Variants in DYNC2H1 observed in about 807,000 individuals in gnomAD.
The protein encoded by DYNC2H1 is cytoplasmic dynein 2 heavy chain 1.
Under a neutral mutation model 570.0 loss-of-function variants are expected in DYNC2H1, and 410 were observed. The observed-to-expected ratio is 0.72, with a 90% CI of 0.66 to 0.78. The LOEUF is 0.78. DYNC2H1 is among the 30% of genes least tolerant of loss of function. The pLI is 0.00. For synonymous variants in DYNC2H1, 1,688 were observed against 1,677.6 expected, an observed-to-expected ratio of 1.01 and a Z score of -0.15; for missense variants, 4,865 against 5,046.4, an observed-to-expected ratio of 0.96 and a Z score of 1.09.
intron 70 of DYNC2H1, among the ~76,000 whole-genome samples, chr11:103,265,123 ACAC>A (rs1865456917): frequency 6.6e-6 from 1 of 152,164 alleles, no homozygotes; most frequent in African/African-American, 2.4e-5. Context: ...AGAAAACCAA[ACAC>A]CACATGTTCT....
At chr11:103,320,968 A>G in intron 80 of DYNC2H1, 61 bp from the exon 81 acceptor site, 1 of 1,299,430 alleles carries the variant, frequency 7.7e-7, no homozygotes, top group Non-Finnish European at 1.1e-6. Flanking sequence ...ATATAACTCA[A>G]GGCAGGAATT....
At chr11:103,388,946 A>C (rs1194744531) in intron 83 of DYNC2H1, among the ~76,000 whole-genome samples, 3 of 152,074 alleles carry the variant, frequency 2.0e-5, no homozygotes, top group African/African-American at 7.2e-5. Flanking sequence ...TTCATCAGGG[A>C]TATTGTCTAA....
In DYNC2H1 at chr11:103,324,686, T is replaced by G. The variant is rs1430398219; in HGVS notation, c.12039+696T>G. Among the ~76,000 whole-genome samples the G allele has an allele frequency of 6.6e-6, 1 of 152,190 alleles. No homozygotes were observed. The highest frequency in any genetic ancestry group is 2.4e-5 in the African/African-American group (1 of 41,430). Reference sequence around the variant, plus strand: ...TGCAGTGAACATTCATGTGCATATGTCTTTATGGTAGAACCATTTATATTC... The same window carrying G: ...TGCAGTGAACATTCATGTGCATATGGCTTTATGGTAGAACCATTTATATTC... On this transcript the variant is annotated intron_variant, in intron 82 of 88. Coordinates refer to ENST00000375735, the MANE Select transcript of DYNC2H1 (RefSeq NM_001377.3). This position sits in a 1 kb window ranked among gnomAD's most constrained non-coding sequence, Gnocchi z 5.2.
At chr11:103,437,006 G>A (rs1047180453) in intron 85 of DYNC2H1, among the ~76,000 whole-genome samples, 2 of 152,104 alleles carry the variant, frequency 1.3e-5, no homozygotes, top group African/African-American at 4.8e-5. Context: ...TTCAGATACA[G>A]TGTACAGTGT....
rs971150470 is a variant in DYNC2H1 at position 103,148,483 on chromosome 11, C to T, written c.2819-7C>T. On this transcript the variant is annotated splice_region_variant and splice_polypyrimidine_tract_variant and intron_variant, in intron 19 of 88. Transcript: ENST00000375735. ...AACATTTCTTGTATTTCAATGTTAC[C>T]ACTCAGCTCATTTACATGAAATTGA... 1.3e-6 allele frequency: 2 copies of T among 1,553,664 alleles called. No homozygotes were observed. The highest frequency in any genetic ancestry group is 8.7e-7 in the Non-Finnish European group (1 of 1,148,104).
chr11:103,416,796 A>AAACT (rs1481680228), intron 84 of DYNC2H1, among the ~76,000 whole-genome samples: 1 of 151,884 alleles, frequency 6.6e-6, no homozygotes, highest in African/African-American at 2.4e-5. Context: ...GGATCTAATT[A>AAACT]AAGAGTTGCT....
intron 75 of DYNC2H1, among the ~76,000 whole-genome samples, chr11:103,288,473 C>A (rs2135359439): frequency 1.3e-5 from 2 of 151,006 alleles, no homozygotes; most frequent in South Asian, 2.1e-4. Flanking sequence ...TGATAATAGC[C>A]CTTTCCCAAA....
chr11:103,321,477 T>C (rs1205154361), intron 81 of DYNC2H1, among the ~76,000 whole-genome samples: 1 of 152,136 alleles, frequency 6.6e-6, no homozygotes, highest in African/African-American at 2.4e-5. Context: ...TAGACAGATC[T>C]TGAAGGGAGT....
intron 68 of DYNC2H1, 92 bp from the exon 69 acceptor site, chr11:103,257,516 G>T: frequency 2.4e-6 from 3 of 1,230,328 alleles, no homozygotes; most frequent in Non-Finnish European, 3.2e-6. Flanking sequence ...TTATTACTTG[G>T]GTAGATATGT....
At chr11:103,211,995 T>A in intron 54 of DYNC2H1, 52 bp downstream of exon 54, 1 of 1,372,550 alleles carries the variant, frequency 7.3e-7, no homozygotes, top group East Asian at 2.7e-5. Flanking sequence ...GAAACAAGAG[T>A]TTTGTAAATC....
Position 103,321,045 on chromosome 11 carries a change from A to C in DYNC2H1, c.11742A>C (p.Gln3914His). ...DRLFDGAKDV[Q>H]WEFVHGLLEN... ...AAATTATAGGTGCCAAAGATGTACAATGGGAATTTGTACATGGTTTACTTG... is the reference window on the plus strand; with the variant it reads ...AAATTATAGGTGCCAAAGATGTACACTGGGAATTTGTACATGGTTTACTTG... The change falls in exon 81 of 89, where the codon CAA (glutamine) becomes CAC (histidine). Residue 3914 changes from glutamine (Q) to histidine (H), a missense_variant. Gln to His is a conservative substitution (Grantham distance 24, BLOSUM62 0). This residue lies in a region of DYNC2H1 where 2,401 missense variants were observed against 2,454.6 expected (regional missense o/e 0.98). Coordinates refer to ENST00000375735, the MANE Select transcript of DYNC2H1 (RefSeq NM_001377.3). The C allele has an allele frequency of 6.2e-7, 1 of 1,610,190 alleles. No homozygotes were observed. The highest frequency in any genetic ancestry group is 8.5e-7 in the Non-Finnish European group (1 of 1,178,438).
chr11:103,430,323 G>A (rs894236738), intron 84 of DYNC2H1, among the ~76,000 whole-genome samples: 8 of 152,038 alleles, frequency 5.3e-5, no homozygotes, highest in African/African-American at 1.2e-4. Flanking sequence ...ACCCACTTCC[G>A]AGGGTTGTCG....
chr11:103,400,284 A>G (rs1942584311), intron 84 of DYNC2H1, among the ~76,000 whole-genome samples: 2 of 137,540 alleles, frequency 1.5e-5, no homozygotes. Flanking sequence ...CTCATGCGTT[A>G]TGCCTATTCC....
chr11:103,438,487 A>G lies in DYNC2H1; in HGVS notation c.12456+2455A>G, dbSNP rs530835200. ...AAATGGCACCTTTTGGTTTCTTAAG[A>G]AAGCATAATGATCAGACTCAATCCA... On this transcript the variant is annotated intron_variant, in intron 85 of 88. Coordinates refer to ENST00000375735, the MANE Select transcript of DYNC2H1 (RefSeq NM_001377.3). Among the ~76,000 whole-genome samples, 92 of 152,166 alleles carry G rather than the reference A, an allele frequency of 6.0e-4. 2 individuals are homozygous for G. In the South Asian group the frequency reaches 0.015, roughly 24 times the overall value.
At chr11:103,424,307 G>T (rs911478056) in intron 84 of DYNC2H1, among the ~76,000 whole-genome samples, 5 of 152,074 alleles carry the variant, frequency 3.3e-5, no homozygotes, top group African/African-American at 7.2e-5. Context: ...ACACTAGCTT[G>T]ATTGGTTTAT....
Position 103,199,246 on chromosome 11 carries a change from C to T in DYNC2H1, c.7858C>T (p.Arg2620Ter), listed in dbSNP as rs1322141600. ...TTAAAAGGGTCTTATTCATTATGGACGAGATAACCAGAATTTAGACATTTT... is the reference window on the plus strand; with the variant it reads ...TTAAAAGGGTCTTATTCATTATGGATGAGATAACCAGAATTTAGACATTTT... ...VIKKGLIHYG[R>*]DNQNLDILLF... Residue 2620 changes from arginine to a stop codon, truncating the protein, a stop_gained, in exon 49 of 89, where the codon CGA becomes TGA. Transcript: ENST00000375735. LOFTEE classifies it high-confidence loss of function. The surrounding 1 kb of genome is among the most constrained non-coding windows in gnomAD (Gnocchi z 4.6). The T allele has an allele frequency of 8.8e-6, 14 of 1,584,086 alleles. No homozygotes were observed. Among genetic ancestry groups the T allele is most frequent in the Middle Eastern group, 2.3e-4 (1 of 4,386 alleles).
chr11:103,186,642 TAA>T lies in DYNC2H1; in HGVS notation c.6893+145_6893+146del. 2.5e-6 allele frequency: 3 copies of T among 1,223,440 alleles called. No individual in the cohort carries two copies. The highest frequency in any genetic ancestry group is 3.3e-6 in the Non-Finnish European group (3 of 911,238). The allele number at this position is 1,223,440 out of a possible 1,614,324, so 75.8% of individuals were successfully genotyped here. ...AGATTCATTTTATTTTCATTACTTA[TAA>T]AAATAAGAACTATGGGGAATAGTGT... is the stretch of plus-strand genomic sequence containing the variant. On this transcript the variant is annotated intron_variant, in intron 42 of 88. Coordinates refer to ENST00000375735, the MANE Select transcript of DYNC2H1 (RefSeq NM_001377.3). This position sits in a 1 kb window ranked among gnomAD's most constrained non-coding sequence, Gnocchi z 4.5.
intron 78 of DYNC2H1, among the ~76,000 whole-genome samples, chr11:103,308,505 G>T (rs571958798): frequency 6.6e-5 from 10 of 152,172 alleles, no homozygotes; most frequent in Non-Finnish European, 1.0e-4. Flanking sequence ...AATTATTTTG[G>T]ATATGTAGCC....
chr11:103,418,761 G>A (rs1471430124), intron 84 of DYNC2H1, among the ~76,000 whole-genome samples: 1 of 152,166 alleles, frequency 6.6e-6, no homozygotes, highest in African/African-American at 2.4e-5. Context: ...CCCCAGCCAA[G>A]GGAAGCAGTG....
Sources: gnomAD v4.1 joint callset for allele counts (sites outside exome capture counted in the v4.1 genomes callset) on GRCh38, gnomAD v4.1.1 for gene constraint, gnomAD v4.1.1 regional missense constraint, Gnocchi (gnomAD v3.1) non-coding constraint, MANE v1.5 for transcripts, NCBI Gene and HGNC (gene_info 2026-07-23, HGNC 2026-07-21) for gene names.